RNF157: variants seen among roughly 807,000 people sequenced by gnomAD.
RNF157 encodes the protein ring finger protein 157.
A neutral mutation model predicts 88.3 loss-of-function variants in RNF157; 55 were observed. The ratio of observed to expected loss-of-function variants is 0.62; its 90% CI spans 0.50 to 0.78. RNF157 has a LOEUF of 0.78. Ranked by LOEUF, RNF157 falls within the 30% of genes least tolerant of loss-of-function variation. The probability of loss-of-function intolerance (pLI) is 0.00; values close to 1 mark genes in which losing one functional copy is unlikely to be tolerated. For missense variants in RNF157, 788 were observed against 860.8 expected (o/e 0.92, Z 1.06); for synonymous variants, 334 against 341.2 (o/e 0.98, Z 0.23).
At chr17:76,239,149 C>A (rs112762984) in intron 1 of RNF157, among the ~76,000 whole-genome samples, 23 of 152,220 alleles carry the variant, frequency 1.5e-4, no homozygotes, top group African/African-American at 5.5e-4. Context: ...GACAGAATGT[C>A]GCAGCCATTC....
rs1184191473 is a variant in RNF157 at position 76,176,792 on chromosome 17, A to AGGGCCAGGCCTGGGCGCGGAGCTG, written c.208-3026_208-3003dup. On this transcript the variant is annotated intron_variant, in intron 2 of 18. Coordinates refer to ENST00000269391, the MANE Select transcript of RNF157 (RefSeq NM_052916.3). This position sits in a 1 kb window ranked among gnomAD's most constrained non-coding sequence, Gnocchi z 4.2. ...GTGTCCCGCTTGCTCATGGAGCGCC[A>AGGGCCAGGCCTGGGCGCGGAGCTG]GGGCCAGGCCTGGGCGCGGAGCTGG... is the stretch of plus-strand genomic sequence containing the variant. Among the ~76,000 whole-genome samples the AGGGCCAGGCCTGGGCGCGGAGCTG allele has an allele frequency of 1.3e-5, 2 of 152,196 alleles. No individual in the cohort carries two copies. Among genetic ancestry groups the AGGGCCAGGCCTGGGCGCGGAGCTG allele is most frequent in the East Asian group, 1.9e-4 (1 of 5,178 alleles).
chr17:76,211,728 C>G (rs1300938482), intron 2 of RNF157: 1 of 152,212 alleles, frequency 6.6e-6, no homozygotes, highest in African/African-American at 2.4e-5. Context: ...TAGGACCTTC[C>G]TAGCACACGG....
intron 3 of RNF157, among the ~76,000 whole-genome samples, chr17:76,172,472 T>C (rs1406269796): frequency 6.6e-6 from 1 of 151,590 alleles, no homozygotes; most frequent in Non-Finnish European, 1.5e-5. Flanking sequence ...ATGCCTGTAA[T>C]CACAGCTACT....
chr17:76,165,442 G>C, intron 7 of RNF157, 60 bp downstream of exon 7: 1 of 1,561,792 alleles, frequency 6.4e-7, no homozygotes, highest in Non-Finnish European at 8.8e-7. Context: ...CGGGTTACAT[G>C]TGTCTCACAC....
At chr17:76,194,786 T>C (rs62090131) in intron 2 of RNF157, among the ~76,000 whole-genome samples, 287 of 152,036 alleles carry the variant, frequency 1.9e-3, no homozygotes, top group African/African-American at 3.2e-3. Flanking sequence ...GAGGCCAAGG[T>C]GGGCAGATCA....
In RNF157 at chr17:76,158,393, C is replaced by T. The variant is rs1555651755; in HGVS notation, c.1413G>A (p.Glu471=). 3 of 1,605,824 alleles carry T rather than the reference C, an allele frequency of 1.9e-6. No homozygotes were observed. The highest frequency in any genetic ancestry group is 8.5e-7 in the Non-Finnish European group (1 of 1,172,890). ...SQRPSVQHLG[E]ECGVTPESEN... ...AGAAGAGGAGAGGAATGTCAATTAC[C>T]TCTCCGAGATGCTGAACCGACGGTC... The change falls in exon 13 of 19, where the codon GAG becomes GAA. Residue 471 remains glutamate, a splice_region_variant and synonymous_variant. Coordinates refer to ENST00000269391, the MANE Select transcript of RNF157 (RefSeq NM_052916.3).
intron 2 of RNF157, among the ~76,000 whole-genome samples, chr17:76,174,041 T>C (rs1055953721): frequency 6.6e-6 from 1 of 152,042 alleles, no homozygotes; most frequent in African/African-American, 2.4e-5. Context: ...ATGAAGCTTA[T>C]TTCGGTCAGT....
At chr17:76,236,692 T>C (rs1282697473) in intron 1 of RNF157, among the ~76,000 whole-genome samples, 1 of 152,144 alleles carries the variant, frequency 6.6e-6, no homozygotes, top group Non-Finnish European at 1.5e-5. Context: ...CTGTTTGCAA[T>C]AGTAAGATAC....
At chr17:76,197,054 C>G (rs1029842413) in intron 2 of RNF157, among the ~76,000 whole-genome samples, 1 of 152,184 alleles carries the variant, frequency 6.6e-6, no homozygotes, top group Non-Finnish European at 1.5e-5. Context: ...AGAACCCAAC[C>G]TAAACCGGTT....
chr17:76,203,369 G>A (rs1362316822), intron 2 of RNF157, among the ~76,000 whole-genome samples: 1 of 151,984 alleles, frequency 6.6e-6, no homozygotes, highest in East Asian at 1.9e-4. Context: ...ATTGGCCATC[G>A]TCTTAACCAA....
At chr17:76,208,942 C>A (rs9913054) in intron 2 of RNF157, among the ~76,000 whole-genome samples, 57,766 of 150,934 alleles carry the variant, frequency 0.38, 12,450 homozygotes, top group East Asian at 0.68. Context: ...CCACTGCACT[C>A]CAGCTTGGGT....
At chr17:76,212,552 A>AAT in intron 1 of RNF157, 70 bp from the exon 2 acceptor site, 1 of 1,040,278 alleles carries the variant, frequency 9.6e-7, no homozygotes, top group Non-Finnish European at 1.5e-6. Context: ...AAAAAAAAAA[A>AAT]GCTGATTTTT....
intron 2 of RNF157, among the ~76,000 whole-genome samples, chr17:76,192,716 C>A (rs1244649991): frequency 6.6e-6 from 1 of 152,086 alleles, no homozygotes; most frequent in Non-Finnish European, 1.5e-5. Flanking sequence ...CAGCTGAAAC[C>A]CTCTGGTTCT....
intron 1 of RNF157, among the ~76,000 whole-genome samples, chr17:76,238,487 CTTTTT>C (rs1406078366): frequency 2.6e-5 from 4 of 152,156 alleles, no homozygotes; most frequent in African/African-American, 9.7e-5. Flanking sequence ...GGTCTATTGT[CTTTTT>C]ATTATCATCA....
At chr17:76,206,798 G>A (rs1005360665) in intron 2 of RNF157, among the ~76,000 whole-genome samples, 1 of 152,288 alleles carries the variant, frequency 6.6e-6, no homozygotes, top group South Asian at 2.1e-4. Flanking sequence ...AGAAAACAGT[G>A]AAGAACCCTA....
In RNF157 at chr17:76,156,492, C is replaced by G. The variant is rs990135647; in HGVS notation, c.1414-171G>C. 2.0e-5 allele frequency: 29 copies of G among 1,422,248 alleles called. No individual in the cohort carries two copies. In the African/African-American group the frequency reaches 3.5e-4, roughly 17 times the overall value. The allele number at this position is 1,422,248 out of a possible 1,614,324, so 88.1% of individuals were successfully genotyped here. The stretch of plus-strand genomic sequence containing the variant: ...TCTCTCTTCCGTCCTCACTTCAGCC[C>G]AAGCCTGGAATGACTGCCTCCCAGG... On this transcript the variant is annotated intron_variant, in intron 13 of 18. Transcript: ENST00000269391.
At position 76,146,338 on chromosome 17, in the gene RNF157, G is replaced by A. The variant is rs1178498341; in HGVS notation, c.1922-985C>T. 1.0e-6 allele frequency: 1 copy of A among 985,270 alleles called. No homozygotes were observed. The highest frequency in any genetic ancestry group is 1.2e-6 in the Non-Finnish European group (1 of 829,790). The allele number at this position is 985,270 out of a possible 1,614,324, so 61.0% of individuals were successfully genotyped here. ...ACTAGATGAGAGAATGCGAGCGTTG[G>A]TGAGTATCTGACTCCTAGAATAGCC... On this transcript the variant is annotated intron_variant, in intron 18 of 18. Transcript: ENST00000269391. This position sits in a 1 kb window ranked among gnomAD's most constrained non-coding sequence, Gnocchi z 4.2.
chr17:76,170,322 AG>A (rs2144868425), intron 3 of RNF157, among the ~76,000 whole-genome samples: 1 of 151,834 alleles, frequency 6.6e-6, no homozygotes, highest in African/African-American at 2.4e-5. Context: ...TGACCTCCCT[AG>A]GCCCAGGTGA....
chr17:76,220,004 G>T (rs1381534301), intron 1 of RNF157, among the ~76,000 whole-genome samples: 1 of 152,106 alleles, frequency 6.6e-6, no homozygotes, highest in South Asian at 2.1e-4. Flanking sequence ...CAATAAAAAT[G>T]CATGATGTGT....
Sources: allele counts gnomAD v4.1 joint callset (sites outside exome capture counted in the v4.1 genomes callset), GRCh38; gene constraint gnomAD v4.1.1; non-coding constraint Gnocchi (gnomAD v3.1); transcripts MANE v1.5; gene names NCBI Gene and HGNC (gene_info 2026-07-23, HGNC 2026-07-21).